STK33: variants seen among roughly 807,000 people sequenced by gnomAD.
STK33 encodes serine/threonine kinase 33.
In STK33, 52 loss-of-function variants were observed where a neutral mutation model predicts 58.0. The observed-to-expected ratio is 0.90, with a 90% CI of 0.72 to 1.13. STK33 has a LOEUF of 1.13. STK33 is among the 50% of genes most tolerant of loss of function. STK33 has a pLI of 0.00. For synonymous variants in STK33, 215 were observed against 200.1 expected (o/e 1.07, Z -0.63); for missense variants, 630 against 604.2 (o/e 1.04, Z -0.45).
intron 1 of STK33, among the ~76,000 whole-genome samples, chr11:8,534,532 TTCTCTC>T (rs61429377): frequency 0.13 from 16,428 of 122,100 alleles, 1,623 homozygotes; most frequent in South Asian, 0.28. Flanking sequence ...GTATATATAT[TTCTCTC>T]TCTCTCTCTC....
At chr11:8,379,230 C>T in the STK33 span, among the ~76,000 whole-genome samples, 1 of 152,048 alleles carries the variant, frequency 6.6e-6, no homozygotes, top group Admixed American at 6.5e-5. Flanking sequence ...TGCACATTGG[C>T]CTAGGCAAAT....
chr11:8,519,885 C>T (rs1045961301), intron 1 of STK33, among the ~76,000 whole-genome samples: 17 of 152,060 alleles, frequency 1.1e-4, no homozygotes, highest in African/African-American at 1.7e-4. Context: ...CAGGACCAGA[C>T]GGATTCACAG....
At chr11:8,546,054 A>G (rs1443898560) in intron 1 of STK33, among the ~76,000 whole-genome samples, 2 of 152,220 alleles carry the variant, frequency 1.3e-5, no homozygotes, top group African/African-American at 2.4e-5. Context: ...CTAAACATAG[A>G]AAAGGTATAG....
chr11:8,464,699 T>G lies in STK33; in HGVS notation c.453+10A>C, dbSNP rs745995351. ...TGTGCCCTCAGTAGGATGCTGCTAATGAGCCTTACCTTTTCTTTGTTCACT... is the reference window on the plus strand; with the variant it reads ...TGTGCCCTCAGTAGGATGCTGCTAAGGAGCCTTACCTTTTCTTTGTTCACT... On this transcript the variant is annotated intron_variant, in intron 7 of 15. Transcript: ENST00000687296. 80 of 1,600,488 alleles carry G rather than the reference T, an allele frequency of 5.0e-5. No homozygotes were observed. Among genetic ancestry groups the G allele is most frequent in the Non-Finnish European group, 5.8e-5 (68 of 1,167,968 alleles).
At chr11:8,369,668 A>C in the STK33 span, among the ~76,000 whole-genome samples, 1 of 152,062 alleles carries the variant, frequency 6.6e-6, no homozygotes. Flanking sequence ...CTGATGCCGG[A>C]GCTTAGCAGG....
At chr11:8,437,184 G>A (rs1944179504) in intron 12 of STK33, among the ~76,000 whole-genome samples, 1 of 152,168 alleles carries the variant, frequency 6.6e-6, no homozygotes, top group African/African-American at 2.4e-5. Context: ...GTAAAACCAT[G>A]AGCACTGTGT....
At chr11:8,448,309 G>C (rs1347368487) in intron 11 of STK33, among the ~76,000 whole-genome samples, 1 of 151,792 alleles carries the variant, frequency 6.6e-6, no homozygotes, top group Non-Finnish European at 1.5e-5. Flanking sequence ...AGCCAAAAAA[G>C]AGCCCACATT....
chr11:8,447,169 T>C (rs1014176898), intron 11 of STK33, among the ~76,000 whole-genome samples: 1 of 151,648 alleles, frequency 6.6e-6, no homozygotes, highest in African/African-American at 2.4e-5. Context: ...CAGACACTTT[T>C]CAAAAGAAGA....
At chr11:8,505,529 T>TA (rs1333160859) in intron 1 of STK33, among the ~76,000 whole-genome samples, 1 of 152,166 alleles carries the variant, frequency 6.6e-6, no homozygotes, top group African/African-American at 2.4e-5. Context: ...TTGTCACTCT[T>TA]AAACACCACC....
intron 12 of STK33, among the ~76,000 whole-genome samples, chr11:8,437,465 T>C (rs1052698269): frequency 1.6e-4 from 24 of 152,196 alleles, no homozygotes; most frequent in African/African-American, 5.5e-4. Context: ...CAGATGTAAT[T>C]AGATTCATCA....
At chr11:8,381,430 A>G in the STK33 span, among the ~76,000 whole-genome samples, 1 of 152,024 alleles carries the variant, frequency 6.6e-6, no homozygotes, top group Admixed American at 6.6e-5. Flanking sequence ...CCTGCTGTTG[A>G]CCCACGGAGA....
At chr11:8,520,986 T>C (rs1204364600) in intron 1 of STK33, among the ~76,000 whole-genome samples, 1 of 151,156 alleles carries the variant, frequency 6.6e-6, no homozygotes, top group Admixed American at 6.6e-5. Flanking sequence ...TGGATCTTTA[T>C]CTAAATTTAT....
chr11:8,565,565 T>A (rs890993754), intron 1 of STK33: 2 of 152,182 alleles, frequency 1.3e-5, no homozygotes, highest in African/African-American at 4.8e-5. Flanking sequence ...AGTCATCTTG[T>A]CTGTGAAAAG....
chr11:8,430,181 T>C (rs934033419), intron 14 of STK33, among the ~76,000 whole-genome samples: 7 of 152,350 alleles, frequency 4.6e-5, no homozygotes, highest in African/African-American at 1.7e-4. Context: ...CTCTCCTGTA[T>C]GCCTTCTATG....
At chr11:8,418,758 AT>A (rs575750037) in intron 14 of STK33, among the ~76,000 whole-genome samples, 2 of 151,960 alleles carry the variant, frequency 1.3e-5, no homozygotes, top group African/African-American at 4.8e-5. Flanking sequence ...AGCATTTGTT[AT>A]TTTTTTACTT....
At chr11:8,385,224 T>G in the STK33 span, among the ~76,000 whole-genome samples, 1 of 152,240 alleles carries the variant, frequency 6.6e-6, no homozygotes, top group Admixed American at 6.5e-5. Flanking sequence ...TCTCCCTGGT[T>G]CCACTTTTGT....
At chr11:8,576,988 G>A (rs2141256614) in intron 1 of STK33, among the ~76,000 whole-genome samples, 1 of 152,212 alleles carries the variant, frequency 6.6e-6, no homozygotes, top group Non-Finnish European at 1.5e-5. Context: ...TGCTATAAGT[G>A]ATCCTCCTGT....
At chr11:8,538,297 CTATG>C (rs1955219140) in intron 1 of STK33, among the ~76,000 whole-genome samples, 1 of 152,126 alleles carries the variant, frequency 6.6e-6, no homozygotes, top group Non-Finnish European at 1.5e-5. Context: ...TACAACAACT[CTATG>C]AAGTAGGCAC....
chr11:8,393,757 A>G (rs1336324337), intron 15 of STK33, among the ~76,000 whole-genome samples: 3 of 152,250 alleles, frequency 2.0e-5, no homozygotes, highest in African/African-American at 7.2e-5. Flanking sequence ...TTCTTTGATC[A>G]TTCAGGTTCT....
Sources: gnomAD v4.1 joint callset for allele counts (sites outside exome capture counted in the v4.1 genomes callset) on GRCh38, gnomAD v4.1.1 for gene constraint, MANE v1.5 for transcripts, NCBI Gene and HGNC (gene_info 2026-07-23, HGNC 2026-07-21) for gene names.